L1CAM: variants seen among roughly 807,000 people sequenced by gnomAD.
L1CAM encodes neural cell adhesion molecule L1.
Under a neutral mutation model 93.0 loss-of-function variants are expected in L1CAM, and 8 were observed. That is an observed-to-expected ratio of 0.09 (90% CI 0.05 to 0.16). The LOEUF (loss-of-function observed/expected upper bound fraction) is 0.16. L1CAM is among the 10% of genes least tolerant of loss of function. L1CAM has a pLI of 1.00. For missense variants in L1CAM, 777 were observed against 1,073.4 expected (o/e 0.72, Z 3.86); for synonymous variants, 453 against 453.0 (o/e 1.00, Z 0.00).
intron 20 of L1CAM, 43 bp from the exon 21 acceptor site, chrX:153,865,543 C>T: frequency 8.8e-7 from 1 of 1,138,197 alleles, no homozygotes. Context: ...AGAAGGCACC[C>T]AGCAGGGCCC....
chrX:153,862,809 C>T lies in L1CAM; in HGVS notation c.3628G>A (p.Asp1210Asn), dbSNP rs781964622. ...TGAACATCCACGCTGCCCCCATAAT[C>T]GGCCAGGCTGTCGTCACTGCCCAGG... is the stretch of plus-strand genomic sequence containing the variant. ...KPLGSDDSLA[D>N]YGGSVDVQFN... Residue 1210 changes from aspartate (D) to asparagine (N), a missense_variant, in exon 29 of 29, where the codon GAT becomes AAT. Asp to Asn is a conservative substitution (Grantham distance 23, BLOSUM62 1). Coordinates refer to ENST00000370060, the MANE Select transcript of L1CAM (RefSeq NM_001278116.2). The T allele has an allele frequency of 1.1e-5, 13 of 1,212,120 alleles. No individual in the cohort carries two copies. Among genetic ancestry groups the T allele is most frequent in the South Asian group, 1.1e-4 (6 of 57,045 alleles).
intron 11 of L1CAM, 160 bp from the exon 12 acceptor site, chrX:153,869,112 G>A (rs2064743597): frequency 2.0e-6 from 1 of 491,041 alleles, no homozygotes; most frequent in Admixed American, 2.9e-5. Context: ...GTCTCTCTCT[G>A]CCTTCAGACA....
In L1CAM at chrX:153,864,851, C is replaced by T. The variant is rs201128366; in HGVS notation, c.3016G>A (p.Val1006Ile). 7 of 1,211,216 alleles carry T rather than the reference C, an allele frequency of 5.8e-6. No individual in the cohort carries two copies. The African/African-American group carries it at 6.9e-5, about 12-fold the overall frequency. ...AAGGCCATAGTGCCTCCTTCCCGTA[C>T]GATGGCTTCACCAGGGCCCTCTTTG... ...TTKEGPGEAI[V>I]REGGTMALSG... The change falls in exon 23 of 29, where the codon GTA becomes ATA. Residue 1006 changes from valine to isoleucine, a missense_variant. Transcript: ENST00000370060.
intron 18 of L1CAM, 37 bp from the exon 19 acceptor site, chrX:153,866,908 A>G (rs782290403): frequency 1.7e-6 from 2 of 1,167,335 alleles, no homozygotes; most frequent in Non-Finnish European, 2.3e-6. Flanking sequence ...TGGTTGGCCA[A>G]GAACACCAGC....
In L1CAM at chrX:153,863,472, C is replaced by T. The variant is rs782744361; in HGVS notation, c.3530+5G>A. ...GTGCCAGCACCCACTCCTGCCCCGG[C>T]TCACCTGTACTCGCCGAAGGTCTCA... On this transcript the variant is annotated splice_donor_5th_base_variant and intron_variant, in intron 27 of 28. Transcript: ENST00000370060. The T allele has an allele frequency of 1.9e-5, 23 of 1,209,314 alleles. No homozygotes were observed. The highest frequency in any genetic ancestry group is 2.1e-5 in the Non-Finnish European group (19 of 894,553).
chrX:153,869,707 G>A, intron 10 of L1CAM, 44 bp from the exon 11 acceptor site: 1 of 1,200,246 alleles, frequency 8.3e-7, no homozygotes, highest in Non-Finnish European at 1.1e-6. Context: ...GCCCGGCATT[G>A]AGCTGCGTTG....
intron 25 of L1CAM, 26 bp downstream of exon 25, chrX:153,864,296 G>A: frequency 8.3e-7 from 1 of 1,206,311 alleles, no homozygotes; most frequent in Non-Finnish European, 1.1e-6. Context: ...TCCCTGGCAG[G>A]TGATGGCGGG....
At chrX:153,870,347 ACCCTGCCCTG>A in intron 8 of L1CAM, 31 bp downstream of exon 8, 5 of 1,185,294 alleles carry the variant, frequency 4.2e-6, no homozygotes, top group Non-Finnish European at 3.4e-6. Context: ...GGGCTCCGCC[ACCCTGCCCTG>A]CCCTGCCCTG....
At chrX:153,875,054 A>G (rs1188312448) in intron 2 of L1CAM, among the ~76,000 whole-genome samples, 1 of 111,895 alleles carries the variant, frequency 8.9e-6, no homozygotes, top group Non-Finnish European at 1.9e-5. Context: ...AATCACAAGA[A>G]CACACAGACA....
chrX:153,876,154 C>A, intron 1 of L1CAM: 1 of 437,991 alleles, frequency 2.3e-6, no homozygotes, highest in Non-Finnish European at 4.0e-6. Flanking sequence ...CTGGCTGGGC[C>A]TCTAGGTTGC....
At chrX:153,876,841 A>G (rs2064816891) in intron 1 of L1CAM, among the ~76,000 whole-genome samples, 1 of 109,553 alleles carries the variant, frequency 9.1e-6, no homozygotes. Flanking sequence ...TAAAAATACA[A>G]AAAGAAAAAA....
intron 1 of L1CAM, chrX:153,885,799 C>T: frequency 6.4e-6 from 5 of 780,400 alleles, no homozygotes; most frequent in Non-Finnish European, 7.6e-6. Flanking sequence ...GCCCTGTTCT[C>T]CCGCCCAGGC....
rs975094790 is a variant in L1CAM, at chrX:153,866,195, C to A, written c.2432-376G>T. ...GGGTGTGGTGGCGCGTGCCTGTAAT[C>A]CCAGCTAATCAGGAGGCTGAGGCAG... On this transcript the variant is annotated intron_variant, in intron 19 of 28. Coordinates refer to ENST00000370060, the MANE Select transcript of L1CAM (RefSeq NM_001278116.2). 6.4e-5 allele frequency among the ~76,000 whole-genome samples: 7 copies of A among 108,981 alleles called. No individual in the cohort carries two copies. The Admixed American group carries it at 6.9e-4, about 11-fold the overall frequency. The allele number at this position is 108,981 out of a possible 115,157, so 94.6% of individuals were successfully genotyped here.
At chrX:153,863,746 C>T in intron 26 of L1CAM, 137 bp downstream of exon 26, 1 of 967,060 alleles carries the variant, frequency 1.0e-6, no homozygotes, top group South Asian at 2.1e-5. Context: ...GGATGATCCC[C>T]CTGCCTGCCC....
chrX:153,869,409 C>A (rs1220837764), intron 11 of L1CAM, 111 bp downstream of exon 11: 2 of 915,160 alleles, frequency 2.2e-6, no homozygotes, highest in East Asian at 3.1e-5. Flanking sequence ...TCGGCGCCAG[C>A]CTGGTAGGCC....
At position 153,865,223 on chromosome X, in the gene L1CAM, G is replaced by T; in HGVS notation, c.2750-13C>A. On this transcript the variant is annotated splice_polypyrimidine_tract_variant and intron_variant, in intron 21 of 28. Coordinates refer to ENST00000370060, the MANE Select transcript of L1CAM (RefSeq NM_001278116.2). ...GGGTGGCCAGGCACTGCAGGGCACAGAACCGAGTGGCAGGTAGGTCCTCGC... is the reference window on the plus strand; with the variant it reads ...GGGTGGCCAGGCACTGCAGGGCACATAACCGAGTGGCAGGTAGGTCCTCGC... 8.3e-7 allele frequency: 1 copy of T among 1,209,733 alleles called. No homozygotes were observed. Among genetic ancestry groups the T allele is most frequent in the Non-Finnish European group, 1.1e-6 (1 of 895,143 alleles).
chrX:153,885,896 GC>G, intron 1 of L1CAM, 168 bp downstream of exon 1: 1 of 814,237 alleles, frequency 1.2e-6, no homozygotes, highest in South Asian at 3.0e-5. Context: ...AGCCCGCGGT[GC>G]CCGGAGCCCG....
intron 1 of L1CAM, among the ~76,000 whole-genome samples, chrX:153,877,358 AG>A (rs1394970917): frequency 1.0e-5 from 1 of 99,652 alleles, no homozygotes; most frequent in Non-Finnish European, 2.0e-5. Context: ...GCTACTCAGG[AG>A]GCTGAGGCAG....
At chrX:153,867,628 A>G in intron 16 of L1CAM, 75 bp from the exon 17 acceptor site, 1 of 1,035,771 alleles carries the variant, frequency 9.7e-7, no homozygotes, top group Non-Finnish European at 1.4e-6. Flanking sequence ...GGTTGGGTAC[A>G]GTCTGGGTCC....
Sources: gnomAD v4.1 joint callset for allele counts (sites outside exome capture counted in the v4.1 genomes callset) on GRCh38, gnomAD v4.1.1 for gene constraint, MANE v1.5 for transcripts, NCBI Gene and HGNC (gene_info 2026-07-23, HGNC 2026-07-21) for gene names.